Variants in LRCH1 observed in about 807,000 individuals in gnomAD.
LRCH1 encodes the protein leucine rich repeats and calponin homology domain containing 1, also known as leucine-rich repeat and calponin homology domain-containing protein 1.
A neutral mutation model predicts 94.9 loss-of-function variants in LRCH1; 23 were observed. The observed-to-expected ratio is 0.24, with a 90% confidence interval of 0.17 to 0.34. The LOEUF (loss-of-function observed/expected upper bound fraction) is 0.34, where lower values mean the gene tolerates loss of function less well. Ranked by LOEUF, LRCH1 falls within the 10% of genes least tolerant of loss-of-function variation. LRCH1 has a pLI of 1.00. For synonymous variants in LRCH1, 364 were observed against 354.9 expected, an observed-to-expected ratio of 1.03 and a Z score of -0.29; for missense variants, 790 against 945.9, an observed-to-expected ratio of 0.84 and a Z score of 2.16.
chr13:46,653,724 G>A (rs1221010996), intron 2 of LRCH1, among the ~76,000 whole-genome samples: 6 of 152,062 alleles, frequency 3.9e-5, no homozygotes, highest in Admixed American at 3.9e-4. Flanking sequence ...CCAGCTACTT[G>A]GGAGGCTGAG....
chr13:46,750,541 A>G, exon 19 of LRCH1: 3 of 1,546,394 alleles, frequency 1.9e-6, no homozygotes, highest in Non-Finnish European at 2.6e-6. Flanking sequence ...TCCTTTTAGG[A>G]AAAGCTATGT....
chr13:46,640,803 G>T (rs979802488), intron 1 of LRCH1, among the ~76,000 whole-genome samples: 2 of 152,198 alleles, frequency 1.3e-5, no homozygotes, highest in African/African-American at 4.8e-5. Flanking sequence ...GAGGAAGAAG[G>T]TTAAGATGGT....
At chr13:46,611,446 G>A (rs535749331) in intron 1 of LRCH1, among the ~76,000 whole-genome samples, 1 of 152,298 alleles carries the variant, frequency 6.6e-6, no homozygotes, top group Non-Finnish European at 1.5e-5. Flanking sequence ...AGCCAATAGA[G>A]ATATTTGGCT....
At chr13:46,649,828 CAAA>C (rs565134610) in intron 1 of LRCH1, among the ~76,000 whole-genome samples, 6 of 99,860 alleles carry the variant, frequency 6.0e-5, no homozygotes, top group Non-Finnish European at 6.3e-5. Flanking sequence ...GATCCTGTCT[CAAA>C]AAAAAAAAAA....
In LRCH1 at chr13:46,620,578, G is replaced by T. The variant is rs548088707; in HGVS notation, c.308-29623G>T. 3.3e-5 allele frequency among the ~76,000 whole-genome samples: 5 copies of T among 152,286 alleles called. No homozygotes were observed. The South Asian group carries it at 1.0e-3, about 32-fold the overall frequency. On this transcript the variant is annotated intron_variant, in intron 1 of 19. Coordinates refer to ENST00000389797, the MANE Select transcript of LRCH1 (RefSeq NM_001164211.2). ...TTAATTATTGCAAAACTTCTGGTTA[G>T]GTCATTAATCAGAACGGGAGCCATG... is the stretch of plus-strand genomic sequence containing the variant.
At chr13:46,688,688 T>C (rs1279905876) in intron 6 of LRCH1, among the ~76,000 whole-genome samples, 1 of 152,246 alleles carries the variant, frequency 6.6e-6, no homozygotes, top group African/African-American at 2.4e-5. Context: ...GCTTAAAATA[T>C]GTACACTGTT....
intron 1 of LRCH1, among the ~76,000 whole-genome samples, chr13:46,607,305 C>CA (rs1002652075): frequency 2.6e-5 from 4 of 152,126 alleles, no homozygotes; most frequent in Non-Finnish European, 1.5e-5. Flanking sequence ...TGTGGTGAAC[C>CA]AAAAAACCAC....
intron 1 of LRCH1, among the ~76,000 whole-genome samples, chr13:46,632,885 A>G (rs940478862): frequency 9.9e-5 from 15 of 152,246 alleles, no homozygotes; most frequent in Non-Finnish European, 2.9e-5. Context: ...TTATTTAGAT[A>G]AACTGTTTCT....
At chr13:46,607,308 A>T (rs2050698234) in intron 1 of LRCH1, among the ~76,000 whole-genome samples, 1 of 152,224 alleles carries the variant, frequency 6.6e-6, no homozygotes, top group African/African-American at 2.4e-5. Context: ...GGTGAACCAA[A>T]AAACCACTTA....
chr13:46,631,088 ACT>A (rs1234964613), intron 1 of LRCH1, among the ~76,000 whole-genome samples: 1 of 152,028 alleles, frequency 6.6e-6, no homozygotes, highest in African/African-American at 2.4e-5. Context: ...CAAGCTTTCA[ACT>A]CTGAGGTATT....
intron 1 of LRCH1, among the ~76,000 whole-genome samples, chr13:46,626,253 AT>A (rs1327095396): frequency 6.6e-6 from 1 of 152,126 alleles, no homozygotes; most frequent in Admixed American, 6.5e-5. Flanking sequence ...CCTTGGTTGT[AT>A]TACACTATTA....
chr13:46,740,253 G>A (rs1454958322), intron 19 of LRCH1, among the ~76,000 whole-genome samples: 1 of 152,204 alleles, frequency 6.6e-6, no homozygotes, highest in African/African-American at 2.4e-5. Context: ...AACCCTAACA[G>A]TGGTAGCTTG....
Position 46,687,860 on chromosome 13 carries a change from A to C in LRCH1, c.831A>C (p.Thr277=). ...PLQSPPAQIC[T]KGKVHIFKYL... ...TATTAATTTCTTTGTAGATTTGCACAAAGGGCAAAGTTCACATATTTAAGT... is the reference window on the plus strand; with the variant it reads ...TATTAATTTCTTTGTAGATTTGCACCAAGGGCAAAGTTCACATATTTAAGT... The change falls in exon 6 of 20, where the codon ACA becomes ACC. Residue 277 remains threonine, a synonymous_variant. Transcript: ENST00000389797. 2 of 1,610,274 alleles carry C rather than the reference A, an allele frequency of 1.2e-6. No homozygotes were observed. The highest frequency in any genetic ancestry group is 1.7e-6 in the Non-Finnish European group (2 of 1,178,374).
chr13:46,605,403 T>G (rs1302921270), intron 1 of LRCH1, among the ~76,000 whole-genome samples: 3 of 152,218 alleles, frequency 2.0e-5, no homozygotes, highest in Non-Finnish European at 2.9e-5. Flanking sequence ...ATATCCACTT[T>G]GAAAACTTAC....
intron 2 of LRCH1, among the ~76,000 whole-genome samples, chr13:46,667,192 A>G (rs868681062): frequency 5.9e-4 from 90 of 152,170 alleles, no homozygotes; most frequent in African/African-American, 2.0e-3. Context: ...TCTTCTTGCT[A>G]AAACATAGTT....
intron 1 of LRCH1, among the ~76,000 whole-genome samples, chr13:46,584,108 A>G (rs1185433189): frequency 1.3e-5 from 2 of 152,184 alleles, no homozygotes; most frequent in Non-Finnish European, 2.9e-5. Flanking sequence ...ATTCTAGGCA[A>G]TGGGATTTGT....
At chr13:46,581,044 C>T (rs1199960086) in intron 1 of LRCH1, among the ~76,000 whole-genome samples, 1 of 152,172 alleles carries the variant, frequency 6.6e-6, no homozygotes, top group African/African-American at 2.4e-5. Context: ...GGGTGAGCTT[C>T]TAGACTGCCT....
At chr13:46,636,544 A>G (rs1453409300) in intron 1 of LRCH1, among the ~76,000 whole-genome samples, 1 of 151,962 alleles carries the variant, frequency 6.6e-6, no homozygotes, top group Non-Finnish European at 1.5e-5. Flanking sequence ...TATACCTTCT[A>G]TCTCTGTAAA....
chr13:46,690,246 A>G (rs1413268540), intron 7 of LRCH1, among the ~76,000 whole-genome samples: 1 of 152,190 alleles, frequency 6.6e-6, no homozygotes, highest in Non-Finnish European at 1.5e-5. Flanking sequence ...GTTAGTAGGC[A>G]GAGAAGGCCA....
Sources: allele counts gnomAD v4.1 joint callset (sites outside exome capture counted in the v4.1 genomes callset), GRCh38; gene constraint gnomAD v4.1.1; transcripts MANE v1.5; gene names NCBI Gene and HGNC (gene_info 2026-07-23, HGNC 2026-07-21).